PTPRT: variants seen among roughly 807,000 people sequenced by gnomAD.
PTPRT encodes protein tyrosine phosphatase receptor type T.
Under a neutral mutation model 176.8 loss-of-function variants are expected in PTPRT, and 56 were observed. That is an observed-to-expected ratio of 0.32 (90% CI 0.26 to 0.40). The LOEUF is 0.40. Ranked by LOEUF, PTPRT falls within the 10% of genes least tolerant of loss-of-function variation. The probability of loss-of-function intolerance (pLI) is 1.00; values close to 1 mark genes in which losing one functional copy is unlikely to be tolerated. For missense variants in PTPRT, 1,540 were observed against 1,908.2 expected (o/e 0.81, Z 3.60); for synonymous variants, 783 against 739.0 (o/e 1.06, Z -0.96).
At chr20:43,030,505 CAAA>C (rs35791318) in intron 1 of PTPRT, among the ~76,000 whole-genome samples, 2 of 119,774 alleles carry the variant, frequency 1.7e-5, no homozygotes, top group African/African-American at 5.5e-5. Flanking sequence ...CATTTCAGAA[CAAA>C]AAAAAAAAAA....
At chr20:42,891,256 C>T (rs2079187542) in intron 1 of PTPRT, among the ~76,000 whole-genome samples, 1 of 152,106 alleles carries the variant, frequency 6.6e-6, no homozygotes, top group Admixed American at 6.5e-5. Flanking sequence ...AAAAATCTAC[C>T]CCCATCCCAG....
rs541877366 is a variant in PTPRT at position 43,078,842 on chromosome 20, C to A, written c.88+110804G>T. Among the ~76,000 whole-genome samples, 5 of 152,312 alleles carry A rather than the reference C, an allele frequency of 3.3e-5. No individual in the cohort carries two copies. In the East Asian group the frequency reaches 5.8e-4, roughly 18 times the overall value. ...AGTGGCAGAGAAAAGGCAGAGCCAA[C>A]AATCAGGAAATAAACTCTGCTTCCA... On this transcript the variant is annotated intron_variant, in intron 1 of 30. Transcript: ENST00000373187.
intron 1 of PTPRT, among the ~76,000 whole-genome samples, chr20:43,113,984 T>G (rs1300683542): frequency 6.6e-6 from 1 of 152,220 alleles, no homozygotes; most frequent in Non-Finnish European, 1.5e-5. Flanking sequence ...GAAATTTCTA[T>G]GTAAATTACA....
At chr20:42,293,042 CA>C (rs2057340603) in intron 12 of PTPRT, among the ~76,000 whole-genome samples, 1 of 152,170 alleles carries the variant, frequency 6.6e-6, no homozygotes, top group Non-Finnish European at 1.5e-5. Flanking sequence ...TCTAACTGGA[CA>C]AATGTTCACT....
At chr20:43,090,483 T>C (rs904307560) in intron 1 of PTPRT, among the ~76,000 whole-genome samples, 22 of 152,146 alleles carry the variant, frequency 1.4e-4, no homozygotes, top group South Asian at 6.2e-4. Context: ...TTAGCCAGGA[T>C]GGTCTTGATA....
intron 15 of PTPRT, among the ~76,000 whole-genome samples, chr20:42,216,829 G>A (rs2055782880): frequency 6.6e-6 from 1 of 152,188 alleles, no homozygotes; most frequent in Non-Finnish European, 1.5e-5. Flanking sequence ...TCTTCTGCAG[G>A]TAGTGCATGG....
chr20:43,042,620 C>G (rs985586248), intron 1 of PTPRT, among the ~76,000 whole-genome samples: 2 of 152,110 alleles, frequency 1.3e-5, no homozygotes, highest in African/African-American at 4.8e-5. Flanking sequence ...AGAGCTCAAT[C>G]TGTCTCTCTT....
At chr20:43,122,218 T>C (rs1361102457) in intron 1 of PTPRT, among the ~76,000 whole-genome samples, 1 of 152,154 alleles carries the variant, frequency 6.6e-6, no homozygotes, top group Non-Finnish European at 1.5e-5. Flanking sequence ...TTCTGAAAGG[T>C]GGCAATCAGG....
intron 16 of PTPRT, among the ~76,000 whole-genome samples, chr20:42,184,579 C>CTTCTTCTTCTTCTTCTTCTTCT (rs1568652381): frequency 1.4e-5 from 2 of 139,658 alleles, no homozygotes; most frequent in Non-Finnish European, 1.5e-5. Context: ...TCTTCTTCTT[C>CTTCTTCTTCTTCTTCTTCTTCT]TTCTTCTTCT....
At chr20:43,177,580 A>G (rs1487845404) in intron 1 of PTPRT, among the ~76,000 whole-genome samples, 4 of 152,206 alleles carry the variant, frequency 2.6e-5, no homozygotes, top group Admixed American at 2.6e-4. Context: ...GAGGCTTTGG[A>G]AGTATGAGGA....
chr20:42,174,445 G>T (rs1336168988), intron 16 of PTPRT, among the ~76,000 whole-genome samples: 1 of 152,138 alleles, frequency 6.6e-6, no homozygotes, highest in East Asian at 1.9e-4. Flanking sequence ...TCAGTTCTGT[G>T]TTTCACAGAG....
chr20:43,064,418 G>T (rs1471337556), intron 1 of PTPRT, among the ~76,000 whole-genome samples: 4 of 152,128 alleles, frequency 2.6e-5, no homozygotes, highest in Non-Finnish European at 4.4e-5. Flanking sequence ...GAAATGTTGA[G>T]GTTGTTATAA....
At chr20:42,057,647 G>C in the PTPRT span, among the ~76,000 whole-genome samples, 1 of 152,000 alleles carries the variant, frequency 6.6e-6, no homozygotes, top group Non-Finnish European at 1.5e-5. Context: ...GGAATGTAGT[G>C]GTGCAATTAT....
intron 7 of PTPRT, among the ~76,000 whole-genome samples, chr20:42,489,169 T>C (rs1028412724): frequency 6.6e-6 from 1 of 152,108 alleles, no homozygotes; most frequent in Non-Finnish European, 1.5e-5. Flanking sequence ...GTTACATATG[T>C]ATACATGTTG....
intron 1 of PTPRT, among the ~76,000 whole-genome samples, chr20:43,188,655 C>T (rs891106830): frequency 4.0e-5 from 6 of 150,482 alleles, no homozygotes; most frequent in African/African-American, 1.5e-4. Flanking sequence ...GGCGTGGTTA[C>T]ACCAAAAGCA....
At chr20:42,757,216 A>T (rs1197459643) in intron 5 of PTPRT, among the ~76,000 whole-genome samples, 1 of 152,308 alleles carries the variant, frequency 6.6e-6, no homozygotes, top group South Asian at 2.1e-4. Context: ...CTCAGCCTGC[A>T]TTTGGGGCTG....
chr20:42,931,050 C>T (rs1004247817), intron 1 of PTPRT, among the ~76,000 whole-genome samples: 3 of 152,138 alleles, frequency 2.0e-5, no homozygotes, highest in Non-Finnish European at 4.4e-5. Flanking sequence ...CCACCAATAT[C>T]CCTGGCAGTG....
intron 2 of PTPRT, among the ~76,000 whole-genome samples, chr20:42,851,465 A>C (rs1395017269): frequency 2.6e-5 from 4 of 152,154 alleles, no homozygotes; most frequent in Non-Finnish European, 4.4e-5. Flanking sequence ...CATTATAGGC[A>C]TCTATAATTA....
At chr20:42,903,476 T>C (rs1277652527) in intron 1 of PTPRT, among the ~76,000 whole-genome samples, 3 of 152,246 alleles carry the variant, frequency 2.0e-5, no homozygotes, top group South Asian at 2.1e-4. Flanking sequence ...TAGGGTTCCA[T>C]ACAGTCAATT....
Sources: allele counts gnomAD v4.1 joint callset (sites outside exome capture counted in the v4.1 genomes callset), GRCh38; gene constraint gnomAD v4.1.1; transcripts MANE v1.5; gene names NCBI Gene and HGNC (gene_info 2026-07-23, HGNC 2026-07-21).